Variants in PLCE1 observed in about 807,000 individuals in gnomAD.
The protein encoded by PLCE1 is phospholipase C epsilon 1.
Under a neutral mutation model 242.8 loss-of-function variants are expected in PLCE1, and 119 were observed. The ratio of observed to expected loss-of-function variants is 0.49; its 90% confidence interval spans 0.42 to 0.57. The LOEUF (loss-of-function observed/expected upper bound fraction) is 0.57, where lower values mean the gene tolerates loss of function less well. Ranked by LOEUF, PLCE1 falls within the 20% of genes least tolerant of loss-of-function variation. PLCE1 has a pLI of 0.00. For synonymous variants in PLCE1, 945 were observed against 1,017.4 expected (o/e 0.93, Z 1.35); for missense variants, 2,441 against 2,788.8 (o/e 0.88, Z 2.81).
At chr10:94,050,404 C>G (rs1475365299) in intron 2 of PLCE1, among the ~76,000 whole-genome samples, 1 of 152,034 alleles carries the variant, frequency 6.6e-6, no homozygotes, top group Admixed American at 6.6e-5. Context: ...GGGAAACTTC[C>G]CCCATGATGC....
intron 4 of PLCE1, among the ~76,000 whole-genome samples, chr10:94,171,838 CAT>C (rs781718008): frequency 5.1e-4 from 78 of 152,116 alleles, no homozygotes; most frequent in Non-Finnish European, 7.1e-4. Context: ...TTTAAAACCA[CAT>C]GTCTCAATTT....
intron 2 of PLCE1, among the ~76,000 whole-genome samples, chr10:94,110,677 A>G (rs1027286018): frequency 2.6e-5 from 4 of 152,252 alleles, no homozygotes; most frequent in Non-Finnish European, 5.9e-5. Context: ...TAGTGGTATC[A>G]CAGGTGATCT....
At chr10:94,060,612 A>G (rs1052712936) in intron 2 of PLCE1, among the ~76,000 whole-genome samples, 1 of 152,134 alleles carries the variant, frequency 6.6e-6, no homozygotes, top group African/African-American at 2.4e-5. Flanking sequence ...TCTGATTGCA[A>G]AGTAGGAAAT....
intron 4 of PLCE1, among the ~76,000 whole-genome samples, chr10:94,204,754 G>A (rs1331193590): frequency 3.6e-5 from 3 of 83,072 alleles, no homozygotes; most frequent in African/African-American, 1.4e-4. Context: ...GAGGGAGGAA[G>A]GAAGGAAGGA....
At chr10:94,308,263 A>G (rs1221244065) in intron 26 of PLCE1, among the ~76,000 whole-genome samples, 1 of 152,258 alleles carries the variant, frequency 6.6e-6, no homozygotes, top group Non-Finnish European at 1.5e-5. Flanking sequence ...GAACATTTGT[A>G]AAACAGGGAC....
intron 4 of PLCE1, among the ~76,000 whole-genome samples, chr10:94,198,628 CT>C (rs1590228681): frequency 6.6e-6 from 1 of 152,198 alleles, no homozygotes; most frequent in East Asian, 1.9e-4. Flanking sequence ...CATTCCTCCC[CT>C]ATCTCAAACC....
chr10:94,225,238 C>A (rs1337384210), intron 4 of PLCE1: 1 of 152,192 alleles, frequency 6.6e-6, no homozygotes, highest in Non-Finnish European at 1.5e-5. Context: ...GTGTGAGCAA[C>A]CATTCATTTT....
intron 2 of PLCE1, among the ~76,000 whole-genome samples, chr10:94,095,320 ATTTC>A (rs200671940): frequency 1.4e-4 from 16 of 117,552 alleles, no homozygotes; most frequent in South Asian, 1.2e-3. Context: ...GGGCCTTTCA[ATTTC>A]TTTCTTTCTT....
At chr10:94,177,103 T>C (rs1215972899) in intron 4 of PLCE1, among the ~76,000 whole-genome samples, 1 of 152,230 alleles carries the variant, frequency 6.6e-6, no homozygotes, top group Non-Finnish European at 1.5e-5. Flanking sequence ...CTCTACACAA[T>C]GACTTAACTG....
At chr10:94,109,106 A>T (rs1056471425) in intron 2 of PLCE1, 9 of 152,130 alleles carry the variant, frequency 5.9e-5, no homozygotes, top group Non-Finnish European at 1.0e-4. Context: ...ATCTAGATAT[A>T]TTGGCCTTTG....
chr10:94,309,390 G>A (rs996379896), intron 27 of PLCE1, among the ~76,000 whole-genome samples: 11 of 151,994 alleles, frequency 7.2e-5, no homozygotes, highest in African/African-American at 2.7e-4. Flanking sequence ...GAGTGCAGTG[G>A]TGCCATCCTG....
At chr10:94,055,361 AGTGTGGTGGT>A (rs1231636884) in intron 2 of PLCE1, among the ~76,000 whole-genome samples, 2 of 150,810 alleles carry the variant, frequency 1.3e-5, no homozygotes, top group African/African-American at 4.9e-5. Context: ...CTTGGACTAG[AGTGTGGTGGT>A]GCGATCTCCA....
At chr10:94,024,916 A>G (rs768485009) in intron 1 of PLCE1, among the ~76,000 whole-genome samples, 2 of 152,144 alleles carry the variant, frequency 1.3e-5, no homozygotes, top group Non-Finnish European at 2.9e-5. Flanking sequence ...GTATGATAAT[A>G]ATACTACCCC....
At chr10:94,273,781 C>A in intron 19 of PLCE1, 61 bp downstream of exon 19, 1 of 1,443,334 alleles carries the variant, frequency 6.9e-7, no homozygotes, top group Non-Finnish European at 9.8e-7. Flanking sequence ...AGAAAAATAA[C>A]ATCATTCTAA....
chr10:94,303,491 T>G (rs988892269), intron 24 of PLCE1, among the ~76,000 whole-genome samples: 4 of 152,244 alleles, frequency 2.6e-5, no homozygotes, highest in Admixed American at 6.5e-5. Context: ...ATTGTGGACA[T>G]GATGTGAATC....
At chr10:94,077,781 AC>A (rs199933956) in intron 2 of PLCE1, among the ~76,000 whole-genome samples, 6 of 152,034 alleles carry the variant, frequency 3.9e-5, no homozygotes, top group Non-Finnish European at 8.8e-5. Flanking sequence ...AAACAAACAA[AC>A]AAAAAAACAG....
intron 4 of PLCE1, among the ~76,000 whole-genome samples, chr10:94,172,695 ACACC>A (rs2048021554): frequency 6.6e-6 from 1 of 152,178 alleles, no homozygotes; most frequent in African/African-American, 2.4e-5. Context: ...ATGGTGGTGC[ACACC>A]TGCAGTCCCA....
At chr10:94,248,936 G>A (rs1156261709) in intron 8 of PLCE1, among the ~76,000 whole-genome samples, 2 of 152,106 alleles carry the variant, frequency 1.3e-5, no homozygotes, top group African/African-American at 2.4e-5. Context: ...ACTGAAGGAG[G>A]CACCAGCTGA....
chr10:94,185,184 G>T (rs564841203), intron 4 of PLCE1, among the ~76,000 whole-genome samples: 1 of 152,338 alleles, frequency 6.6e-6, no homozygotes, highest in Admixed American at 6.5e-5. Flanking sequence ...GTAGAAAGAG[G>T]AAAGAGTATA....
Sources: gnomAD v4.1 joint callset for allele counts (sites outside exome capture counted in the v4.1 genomes callset) on GRCh38, gnomAD v4.1.1 for gene constraint, MANE v1.5 for transcripts, NCBI Gene and HGNC (gene_info 2026-07-23, HGNC 2026-07-21) for gene names.